Variants in SSBP2 observed in about 807,000 individuals in gnomAD.
SSBP2 encodes the protein single-stranded DNA-binding protein 2.
Under a neutral mutation model 61.8 loss-of-function variants are expected in SSBP2, and 17 were observed. The observed-to-expected ratio is 0.28, with a 90% CI of 0.19 to 0.41. SSBP2 has a LOEUF of 0.41. Ranked by LOEUF, SSBP2 falls within the 10% of genes least tolerant of loss-of-function variation. SSBP2 has a pLI of 1.00. For synonymous variants in SSBP2, 139 were observed against 141.3 expected, an observed-to-expected ratio of 0.98 and a Z score of 0.12; for missense variants, 310 against 458.7, an observed-to-expected ratio of 0.68 and a Z score of 2.96.
chr5:81,715,439 G>C (rs1755108878), intron 1 of SSBP2, among the ~76,000 whole-genome samples: 1 of 151,798 alleles, frequency 6.6e-6, no homozygotes, highest in South Asian at 2.1e-4. Context: ...ATTAGAACAA[G>C]TTAGAAGAAT....
At chr5:81,536,711 T>A (rs1309950485) in intron 4 of SSBP2, among the ~76,000 whole-genome samples, 1 of 152,108 alleles carries the variant, frequency 6.6e-6, no homozygotes, top group East Asian at 1.9e-4. Context: ...ACAGGAAAAA[T>A]TACCTTATTT....
At chr5:81,613,242 A>C (rs975945331) in intron 4 of SSBP2, among the ~76,000 whole-genome samples, 2 of 148,742 alleles carry the variant, frequency 1.3e-5, no homozygotes, top group Non-Finnish European at 3.0e-5. Context: ...AATATTCATA[A>C]TGAATTATAA....
chr5:81,726,111 T>G (rs970926679), intron 1 of SSBP2, among the ~76,000 whole-genome samples: 3 of 152,150 alleles, frequency 2.0e-5, no homozygotes, highest in African/African-American at 7.2e-5. Flanking sequence ...AGAATTAGAA[T>G]GAATACTGGG....
intron 1 of SSBP2, among the ~76,000 whole-genome samples, chr5:81,696,713 C>T (rs207466154): frequency 6.6e-6 from 1 of 152,176 alleles, no homozygotes. Flanking sequence ...TTACATACCA[C>T]CTTTTGAAAG....
In SSBP2 at chr5:81,726,718, C is replaced by A. The variant is rs1755912739; in HGVS notation, c.62+24263G>T. Among the ~76,000 whole-genome samples, 5 of 152,278 alleles carry A rather than the reference C, an allele frequency of 3.3e-5. No homozygotes were observed. The South Asian group carries it at 1.0e-3, about 32-fold the overall frequency. ...ATCCTCTCTTCCAGTCACACTAGTC[C>A]TCCCTACTGCTTCCAGGATACCCAC... On this transcript the variant is annotated intron_variant, in intron 1 of 16. Coordinates refer to ENST00000320672, the MANE Select transcript of SSBP2 (RefSeq NM_012446.5).
At chr5:81,501,135 C>T (rs1205705710) in intron 5 of SSBP2, among the ~76,000 whole-genome samples, 1 of 144,390 alleles carries the variant, frequency 6.9e-6, no homozygotes, top group Non-Finnish European at 1.5e-5. Flanking sequence ...TGCTTGAACC[C>T]GGGAGGCAGA....
chr5:81,623,461 G>A (rs1018148582), intron 3 of SSBP2, among the ~76,000 whole-genome samples: 5 of 149,358 alleles, frequency 3.3e-5, no homozygotes, highest in African/African-American at 7.4e-5. Context: ...TCAGCCTCCC[G>A]AGTAGCTGGG....
chr5:81,436,387 AC>A (rs1762679089), intron 15 of SSBP2, among the ~76,000 whole-genome samples: 1 of 151,956 alleles, frequency 6.6e-6, no homozygotes, highest in South Asian at 2.1e-4. Context: ...AAAAAAAAAG[AC>A]CTTTCTGATT....
At chr5:81,562,069 TA>T (rs2153417295) in intron 4 of SSBP2, among the ~76,000 whole-genome samples, 1 of 151,646 alleles carries the variant, frequency 6.6e-6, no homozygotes, top group African/African-American at 2.4e-5. Context: ...CACACTTGGC[TA>T]ATTTTTTTTT....
At chr5:81,598,951 T>A (rs1360631378) in intron 4 of SSBP2, among the ~76,000 whole-genome samples, 1 of 152,202 alleles carries the variant, frequency 6.6e-6, no homozygotes, top group Non-Finnish European at 1.5e-5. Context: ...ATTCCTCTCC[T>A]GTGAAAAATG....
intron 1 of SSBP2, among the ~76,000 whole-genome samples, chr5:81,656,600 A>G (rs905193090): frequency 6.6e-6 from 1 of 152,122 alleles, no homozygotes; most frequent in Non-Finnish European, 1.5e-5. Flanking sequence ...TTTAATATAT[A>G]AAGAGCACAA....
At chr5:81,441,703 AT>A (rs1227891785) in intron 13 of SSBP2, among the ~76,000 whole-genome samples, 1 of 152,208 alleles carries the variant, frequency 6.6e-6, no homozygotes, top group Non-Finnish European at 1.5e-5. Flanking sequence ...TGCTTATAAA[AT>A]TCTCCAAGAG....
At chr5:81,533,483 G>A (rs562258123) in intron 4 of SSBP2, among the ~76,000 whole-genome samples, 2 of 152,092 alleles carry the variant, frequency 1.3e-5, no homozygotes, top group East Asian at 3.9e-4. Context: ...AATATCTTTA[G>A]CAAAATATGA....
chr5:81,653,913 T>A (rs1299989129), intron 1 of SSBP2, among the ~76,000 whole-genome samples: 1 of 152,150 alleles, frequency 6.6e-6, no homozygotes, highest in African/African-American at 2.4e-5. Flanking sequence ...TCCAAACCTA[T>A]CCCTGTAGTG....
chr5:81,488,601 G>A (rs950520255), intron 6 of SSBP2, among the ~76,000 whole-genome samples: 3 of 151,664 alleles, frequency 2.0e-5, no homozygotes, highest in African/African-American at 7.3e-5. Flanking sequence ...TGTGCACAAC[G>A]TGCAGGTTTG....
At chr5:81,613,066 G>C (rs913939910) in intron 4 of SSBP2, among the ~76,000 whole-genome samples, 1 of 151,866 alleles carries the variant, frequency 6.6e-6, no homozygotes, top group African/African-American at 2.4e-5. Flanking sequence ...AAATCATGTA[G>C]GTCAAACTCT....
At chr5:81,528,211 T>C (rs1042321203) in intron 4 of SSBP2, among the ~76,000 whole-genome samples, 2 of 152,080 alleles carry the variant, frequency 1.3e-5, no homozygotes, top group Non-Finnish European at 2.9e-5. Context: ...ACTTAATATA[T>C]TATGATGATA....
intron 1 of SSBP2, among the ~76,000 whole-genome samples, chr5:81,653,820 T>C (rs1346112594): frequency 6.6e-6 from 1 of 152,180 alleles, no homozygotes; most frequent in Non-Finnish European, 1.5e-5. Context: ...TTAAGTTCTT[T>C]GTAGATTCTA....
intron 4 of SSBP2, among the ~76,000 whole-genome samples, chr5:81,589,697 T>C (rs1775344180): frequency 1.3e-5 from 2 of 152,222 alleles, no homozygotes; most frequent in African/African-American, 4.8e-5. Flanking sequence ...TCACTTTGTG[T>C]TGCCATAACA....
Sources: allele counts gnomAD v4.1 joint callset (sites outside exome capture counted in the v4.1 genomes callset), GRCh38; gene constraint gnomAD v4.1.1; transcripts MANE v1.5; gene names NCBI Gene and HGNC (gene_info 2026-07-23, HGNC 2026-07-21).